The following CDH20 variants were observed in gnomAD, a reference collection of about 807,000 sequenced individuals.
The protein encoded by CDH20 is cadherin 20.
A neutral mutation model predicts 74.2 loss-of-function variants in CDH20; 29 were observed. The observed-to-expected ratio is 0.39, with a 90% confidence interval of 0.29 to 0.53. CDH20 has a LOEUF of 0.53. CDH20 is among the 20% of genes least tolerant of loss of function. CDH20 has a pLI of 0.69. For missense variants in CDH20, 988 were observed against 1,048.3 expected (o/e 0.94, Z 0.79); for synonymous variants, 469 against 405.4 (o/e 1.16, Z -1.88).
At chr18:61,471,038 G>T (rs1360841126) in intron 1 of CDH20, among the ~76,000 whole-genome samples, 2 of 151,942 alleles carry the variant, frequency 1.3e-5, no homozygotes, top group Non-Finnish European at 2.9e-5. Context: ...CCAGTCAAAA[G>T]GTGAAAGAAA....
At chr18:61,522,856 A>C (rs899990196) in intron 6 of CDH20, among the ~76,000 whole-genome samples, 4 of 152,228 alleles carry the variant, frequency 2.6e-5, no homozygotes, top group African/African-American at 9.6e-5. Context: ...AAAACTGGCT[A>C]GCCATATGCA....
At chr18:61,389,927 T>C (rs1242149514) in intron 1 of CDH20, among the ~76,000 whole-genome samples, 2 of 152,186 alleles carry the variant, frequency 1.3e-5, no homozygotes, top group African/African-American at 2.4e-5. Flanking sequence ...CTGGTGATCA[T>C]TTTGCAGCAC....
intron 1 of CDH20, among the ~76,000 whole-genome samples, chr18:61,461,816 C>T (rs750265801): frequency 3.2e-4 from 49 of 152,248 alleles, no homozygotes; most frequent in Non-Finnish European, 5.3e-4. Flanking sequence ...TTGGTATACA[C>T]CCCTTGCAAA....
chr18:61,504,772 T>G (rs1272563750), intron 5 of CDH20, among the ~76,000 whole-genome samples: 4 of 152,104 alleles, frequency 2.6e-5, no homozygotes, highest in African/African-American at 7.2e-5. Context: ...TAGTTGCATT[T>G]TGAATCAGCC....
At chr18:61,389,453 T>A (rs1233677439) in intron 1 of CDH20, among the ~76,000 whole-genome samples, 1 of 152,182 alleles carries the variant, frequency 6.6e-6, no homozygotes, top group Non-Finnish European at 1.5e-5. Context: ...CAGTTTTGTA[T>A]AGGAGATATG....
In CDH20 at chr18:61,543,580, G is replaced by A. The variant is rs184341264; in HGVS notation, c.1531-1447G>A. 7.4e-3 allele frequency among the ~76,000 whole-genome samples: 1,121 copies of A among 152,252 alleles called. 9 individuals carry two copies. Among genetic ancestry groups the A allele is most frequent in the Middle Eastern group, 0.014 (4 of 294 alleles). ...AAAAACATTATGGAAAAGGCAAAAC[G>A]TGGCCAGTGAGTCCAAGAGGAAGCC... On this transcript the variant is annotated intron_variant, in intron 9 of 11. Transcript: ENST00000262717.
chr18:61,337,814 G>A (rs533873053), intron 1 of CDH20, among the ~76,000 whole-genome samples: 8 of 152,280 alleles, frequency 5.3e-5, no homozygotes, highest in Admixed American at 3.3e-4. Context: ...AGAACCATGC[G>A]TTCATTAGGT....
chr18:61,553,773 A>G (rs921085627), intron 11 of CDH20, among the ~76,000 whole-genome samples: 1 of 152,096 alleles, frequency 6.6e-6, no homozygotes, highest in Non-Finnish European at 1.5e-5. Flanking sequence ...AGACTTTCAC[A>G]TTATAAGAGG....
In CDH20 at chr18:61,528,226, T is replaced by TC. The variant is rs1912507218; in HGVS notation, c.1271+8dup. 1 of 1,613,428 alleles carries TC rather than the reference T, an allele frequency of 6.2e-7. No individual in the cohort carries two copies. Among genetic ancestry groups the TC allele is most frequent in the African/African-American group, 1.3e-5 (1 of 75,038 alleles). ...GTGACCAACAACTCAATCAGGTTTTTCCACAGATTTCACCTTTTCCTTATA... is the reference window on the plus strand; with the variant it reads ...GTGACCAACAACTCAATCAGGTTTTTCCCACAGATTTCACCTTTTCCTTATA... On this transcript the variant is annotated splice_region_variant and intron_variant, in intron 7 of 11. Transcript: ENST00000262717.
At chr18:61,469,364 T>TACACAC (rs35516738) in intron 1 of CDH20, among the ~76,000 whole-genome samples, 2,431 of 142,414 alleles carry the variant, frequency 0.017, 31 homozygotes, top group Middle Eastern at 0.029. Flanking sequence ...TGAGAATGAA[T>TACACAC]ACACACACAC....
intron 5 of CDH20, 69 bp from the exon 6 acceptor site, chr18:61,507,304 A>G (rs1911603307): frequency 7.1e-7 from 1 of 1,409,070 alleles, no homozygotes; most frequent in Non-Finnish European, 9.9e-7. Context: ...CACTCCTGAT[A>G]TGATAATGAT....
chr18:61,456,903 T>C (rs1466172255), intron 1 of CDH20, among the ~76,000 whole-genome samples: 1 of 152,132 alleles, frequency 6.6e-6, no homozygotes, highest in African/African-American at 2.4e-5. Flanking sequence ...TCATCTCCCT[T>C]GTATCTCCTT....
intron 1 of CDH20, among the ~76,000 whole-genome samples, chr18:61,336,975 C>A (rs1909783652): frequency 6.6e-6 from 1 of 152,210 alleles, no homozygotes; most frequent in African/African-American, 2.4e-5. Context: ...AACAGCAAGA[C>A]AGCCTCTGCC....
rs113642551 is a variant in CDH20 at position 61,429,229 on chromosome 18, T to C, written c.-152-61173T>C. Among the ~76,000 whole-genome samples, 609 of 152,340 alleles carry C rather than the reference T, an allele frequency of 4.0e-3. 6 individuals carry two copies. The highest frequency in any genetic ancestry group is 0.014 in the African/African-American group (576 of 41,568). ...ATCATAATGTGCTGGATTTTTAAAG[T>C]GCTAATTCACATGTCTTTAGACTTT... is the stretch of plus-strand genomic sequence containing the variant. On this transcript the variant is annotated intron_variant, in intron 1 of 11. Coordinates refer to ENST00000262717, the MANE Select transcript of CDH20 (RefSeq NM_031891.4).
chr18:61,522,852 G>A (rs1042122184), intron 6 of CDH20, among the ~76,000 whole-genome samples: 1 of 152,144 alleles, frequency 6.6e-6, no homozygotes, highest in Admixed American at 6.5e-5. Context: ...TGGGAAAACT[G>A]GCTAGCCATA....
chr18:61,412,822 T>C (rs1470942801), intron 1 of CDH20, among the ~76,000 whole-genome samples: 1 of 152,154 alleles, frequency 6.6e-6, no homozygotes, highest in Non-Finnish European at 1.5e-5. Flanking sequence ...ATAGCATATG[T>C]TAGGTATGAC....
chr18:61,554,555 G>T lies in CDH20; in HGVS notation c.2266G>T (p.Val756Leu). 6.2e-7 allele frequency: 1 copy of T among 1,611,030 alleles called. No individual in the cohort carries two copies. The highest frequency in any genetic ancestry group is 8.5e-7 in the Non-Finnish European group (1 of 1,178,910). ...GTATATGTTCGAGGGGGACGGCTCT[G>T]TGGCGGGGTCGCTGAGCTCCCTGCA... ...QTYMFEGDGSVAGSLSSLQSA... is the reference protein window; with the variant it reads ...QTYMFEGDGSLAGSLSSLQSA... Residue 756 changes from valine to leucine, a missense_variant, in exon 12 of 12, where the codon GTG (valine) becomes TTG (leucine). This residue lies in a region of CDH20 where 375 missense variants were observed against 293.1 expected (regional missense o/e 1.28). Transcript: ENST00000262717.
At chr18:61,342,999 A>G (rs1435604839) in intron 1 of CDH20, among the ~76,000 whole-genome samples, 1 of 152,148 alleles carries the variant, frequency 6.6e-6, no homozygotes, top group Non-Finnish European at 1.5e-5. Context: ...CAAAAGCTGG[A>G]ACAATGGTTG....
chr18:61,437,733 T>C (rs1193487185), intron 1 of CDH20, among the ~76,000 whole-genome samples: 2 of 152,104 alleles, frequency 1.3e-5, no homozygotes, highest in African/African-American at 4.8e-5. Flanking sequence ...TGGACATCAG[T>C]TCGTGTATAA....
Sources: gnomAD v4.1 joint callset for allele counts (sites outside exome capture counted in the v4.1 genomes callset) on GRCh38, gnomAD v4.1.1 for gene constraint, gnomAD v4.1.1 regional missense constraint, MANE v1.5 for transcripts, NCBI Gene and HGNC (gene_info 2026-07-23, HGNC 2026-07-21) for gene names.